Variants in RAD50 observed in about 807,000 individuals in gnomAD.
RAD50 encodes DNA repair protein RAD50.
RAD50 carries 132 observed loss-of-function variants against 168.8 expected under a neutral mutation model. The observed-to-expected ratio is 0.78, with a 90% CI of 0.68 to 0.90. RAD50 has a LOEUF of 0.90. Among genes scored for constraint, RAD50 ranks in the 40% least tolerant of loss-of-function variants. RAD50 has a pLI of 0.00. For missense variants in RAD50, 1,347 were observed against 1,534.4 expected, an observed-to-expected ratio of 0.88 and a Z score of 2.04; for synonymous variants, 525 against 497.4, an observed-to-expected ratio of 1.06 and a Z score of -0.74.
At chr5:132,566,515 G>T (rs1195367035) in intron 2 of RAD50, among the ~76,000 whole-genome samples, 1 of 152,138 alleles carries the variant, frequency 6.6e-6, no homozygotes, top group Non-Finnish European at 1.5e-5. Flanking sequence ...GGCTGTTTCT[G>T]AGTAGCCAGT....
At chr5:132,575,664 A>G (rs535556592) in intron 2 of RAD50, 113 bp from the exon 3 acceptor site, 2 of 955,076 alleles carry the variant, frequency 2.1e-6, no homozygotes, top group Non-Finnish European at 3.3e-6. Context: ...CTCATTTTGG[A>G]TGTTTTTCTT....
At chr5:132,557,819 A>G (rs1225935569) in intron 1 of RAD50, among the ~76,000 whole-genome samples, 1 of 152,246 alleles carries the variant, frequency 6.6e-6, no homozygotes, top group Non-Finnish European at 1.5e-5. Flanking sequence ...GTTGTCCCAT[A>G]CAAGAATTCC....
In RAD50 at chr5:132,562,435, A is replaced by G. The variant is rs375215528; in HGVS notation, c.213+3068A>G. On this transcript the variant is annotated intron_variant, in intron 2 of 24. Coordinates refer to ENST00000378823, the MANE Select transcript of RAD50 (RefSeq NM_005732.4). ...TGAGAAATGTTTGGATTTAGGATGT[A>G]TTTTGAAGATAGAACCAACAAATTA... 1.5e-4 allele frequency among the ~76,000 whole-genome samples: 23 copies of G among 152,294 alleles called. No homozygotes were observed. In the South Asian group the frequency reaches 4.6e-3, roughly 30 times the overall value.
In RAD50 at chr5:132,557,029, G is replaced by C. The variant is rs1561626557; in HGVS notation, c.-296G>C. The C allele has an allele frequency of 1.3e-5, 9 of 671,540 alleles. No homozygotes were observed. In the South Asian group the frequency reaches 1.7e-4, roughly 13 times the overall value. The allele number at this position is 671,540 out of a possible 1,614,324, so 41.6% of individuals were successfully genotyped here. ...GAAGCTGTGAGTGCGCGGTTGCGGG[G>C]TCGCATTGTGGCTACGGCTTTGCGT... On this transcript the variant is annotated 5_prime_UTR_variant, in exon 1 of 25. Transcript: ENST00000378823.
rs587781925 is a variant in RAD50 at position 132,638,224 on chromosome 5, G to A, written c.3618+1G>A. ...AGGACGATGCAGTGCTGGACAAAAG[G>A]CAGGTATCTCAAAAGCCTGGGGAGC... On this transcript the variant is annotated splice_donor_variant, in intron 23 of 24. Transcript: ENST00000378823. LOFTEE classifies it high-confidence loss of function. The A allele has an allele frequency of 6.2e-7, 1 of 1,614,120 alleles. No homozygotes were observed. Among genetic ancestry groups the A allele is most frequent in the Non-Finnish European group, 8.5e-7 (1 of 1,179,976 alleles).
intron 2 of RAD50, among the ~76,000 whole-genome samples, chr5:132,563,179 T>A (rs753542558): frequency 2.2e-4 from 33 of 152,220 alleles, no homozygotes; most frequent in Non-Finnish European, 3.4e-4. Context: ...ATTGTGTTTT[T>A]AAAAGTGGGA....
Position 132,557,158 on chromosome 5 carries a change from C to T in RAD50, c.-167C>T, listed in dbSNP as rs575859184. The T allele has an allele frequency of 3.2e-6, 3 of 928,786 alleles. No homozygotes were observed. The highest frequency in any genetic ancestry group is 2.6e-5 in the East Asian group (1 of 38,210). The allele number at this position is 928,786 out of a possible 1,614,324, so 57.5% of individuals were successfully genotyped here. A position where few individuals can be genotyped will look rare whatever the true frequency, so the allele number is the denominator to read the frequency against. On this transcript the variant is annotated 5_prime_UTR_variant, in exon 1 of 25. Transcript: ENST00000378823. ...GCTCCATCCCCCGCCCCCTCTCTCC[C>T]GCTGTTGGCTGGCAGGATCTTTTGG... is the stretch of plus-strand genomic sequence containing the variant.
chr5:132,587,438 A>G, intron 5 of RAD50, 124 bp from the exon 6 acceptor site: 1 of 1,399,252 alleles, frequency 7.1e-7, no homozygotes, highest in East Asian at 2.5e-5. Context: ...CTACAGTGTT[A>G]TTGTTAGCCT....
intron 14 of RAD50, 145 bp from the exon 15 acceptor site, chr5:132,603,775 A>T (rs1750929983): frequency 2.4e-6 from 2 of 829,972 alleles, no homozygotes; most frequent in Non-Finnish European, 3.7e-6. Flanking sequence ...TTTCACTTTT[A>T]TCCTATTAAA....
intron 5 of RAD50, among the ~76,000 whole-genome samples, chr5:132,585,322 C>G (rs989353270): frequency 6.6e-6 from 1 of 152,186 alleles, no homozygotes; most frequent in African/African-American, 2.4e-5. Context: ...TCTGCATTCT[C>G]ATCCCCACTT....
chr5:132,642,610 G>C lies in RAD50; in HGVS notation c.*246G>C, dbSNP rs1751754330. The C allele has an allele frequency of 1.1e-5, 6 of 550,942 alleles. No individual in the cohort carries two copies. The highest frequency in any genetic ancestry group is 8.3e-5 in the South Asian group (4 of 48,186). The allele number at this position is 550,942 out of a possible 1,614,324, so 34.1% of individuals were successfully genotyped here. On this transcript the variant is annotated 3_prime_UTR_variant, in exon 25 of 25. Coordinates refer to ENST00000378823, the MANE Select transcript of RAD50 (RefSeq NM_005732.4). ...CAGGCAGCCTCTGTCAGGCCTTCAG[G>C]GTTCAGCAGTACAGCCGAGACTCGA...
chr5:132,595,167 C>G, intron 12 of RAD50, 123 bp downstream of exon 12: 1 of 1,042,290 alleles, frequency 9.6e-7, no homozygotes, highest in Non-Finnish European at 1.4e-6. Flanking sequence ...GGATTTCAGT[C>G]CTGGCTCTAC....
chr5:132,588,506 C>A (rs149149466), intron 7 of RAD50, among the ~76,000 whole-genome samples, 181 bp from the exon 8 acceptor site: 14 of 152,174 alleles, frequency 9.2e-5, no homozygotes, highest in Admixed American at 9.2e-4. Context: ...TGAATTATAT[C>A]AATATCAGTA....
At position 132,616,020 on chromosome 5, in the gene RAD50, A is replaced by G. The variant is rs863224412; in HGVS notation, c.3054A>G (p.Leu1018=). 6.3e-7 allele frequency: 1 copy of G among 1,588,208 alleles called. No homozygotes were observed. The highest frequency in any genetic ancestry group is 1.3e-5 in the African/African-American group (1 of 74,304). Residue 1018 remains leucine (L), a synonymous_variant, in exon 20 of 25, where the codon CTA becomes CTG. Coordinates refer to ENST00000378823, the MANE Select transcript of RAD50 (RefSeq NM_005732.4). ...IDTQKIQERW[L]QDNLTLRKRN... is the part of the protein sequence containing the mutation. ...ACCTTTAGATACAAGAAAGGTGGCT[A>G]CAAGATAACCTTACTTTAAGAAAAA...
intron 13 of RAD50, among the ~76,000 whole-genome samples, chr5:132,596,470 A>G (rs1442605893): frequency 6.6e-6 from 1 of 152,234 alleles, no homozygotes; most frequent in Non-Finnish European, 1.5e-5. Flanking sequence ...GTTCTCCCAG[A>G]AGACAGATTT....
intron 16 of RAD50, among the ~76,000 whole-genome samples, chr5:132,607,423 A>G (rs1003865486): frequency 2.6e-5 from 4 of 152,200 alleles, no homozygotes; most frequent in Admixed American, 2.6e-4. Flanking sequence ...TAGATTAATC[A>G]CATCTAAGAC....
intron 19 of RAD50, among the ~76,000 whole-genome samples, chr5:132,613,053 G>A (rs1751113702): frequency 6.6e-6 from 1 of 151,542 alleles, no homozygotes; most frequent in Non-Finnish European, 1.5e-5. Context: ...ACATTGGACT[G>A]TAATCTGTTC....
At chr5:132,607,673 A>G (rs1181579242) in intron 16 of RAD50, among the ~76,000 whole-genome samples, 1 of 152,188 alleles carries the variant, frequency 6.6e-6, no homozygotes, top group East Asian at 1.9e-4. Flanking sequence ...CCCTATTTAG[A>G]TGATGAAATC....
rs1262158053 is a variant in RAD50 at position 132,642,903 on chromosome 5, A to G, written c.*539A>G. 2.4e-6 allele frequency: 1 copy of G among 409,572 alleles called. No homozygotes were observed. Among genetic ancestry groups the G allele is most frequent in the Non-Finnish European group, 5.0e-6 (1 of 199,082 alleles). The allele number at this position is 409,572 out of a possible 1,614,324, so 25.4% of individuals were successfully genotyped here. A position where few individuals can be genotyped will look rare whatever the true frequency, so the allele number is the denominator to read the frequency against. On this transcript the variant is annotated 3_prime_UTR_variant, in exon 25 of 25. Coordinates refer to ENST00000378823, the MANE Select transcript of RAD50 (RefSeq NM_005732.4). ...TCTCTGGGACTTGGTTTCCCCAACT[A>G]AAATTTGAAGTAGTTGAATGGGGTC...
Sources: allele counts gnomAD v4.1 joint callset (sites outside exome capture counted in the v4.1 genomes callset), GRCh38; gene constraint gnomAD v4.1.1; transcripts MANE v1.5; gene names NCBI Gene and HGNC (gene_info 2026-07-23, HGNC 2026-07-21).